The following BRWD1 variants were observed in gnomAD, a reference collection of about 807,000 sequenced individuals.
The protein encoded by BRWD1 is bromodomain and WD repeat-containing protein 1.
Under a neutral mutation model 251.2 loss-of-function variants are expected in BRWD1, and 82 were observed. That is an observed-to-expected ratio of 0.33 (90% CI 0.27 to 0.39). The LOEUF is 0.39. BRWD1 is among the 10% of genes least tolerant of loss of function. The probability of loss-of-function intolerance (pLI) is 1.00; values close to 1 mark genes in which losing one functional copy is unlikely to be tolerated. For missense variants in BRWD1, 2,233 were observed against 2,711.6 expected, an observed-to-expected ratio of 0.82 and a Z score of 3.92; for synonymous variants, 918 against 902.8, an observed-to-expected ratio of 1.02 and a Z score of -0.30.
chr21:39,232,973 C>T (rs555301167), intron 23 of BRWD1, among the ~76,000 whole-genome samples: 39 of 152,148 alleles, frequency 2.6e-4, no homozygotes, highest in Non-Finnish European at 5.0e-4. Flanking sequence ...GTGTGGACTA[C>T]ACTTAATGAC....
intron 23 of BRWD1, among the ~76,000 whole-genome samples, chr21:39,233,598 G>C (rs1178412344): frequency 1.3e-5 from 2 of 152,194 alleles, no homozygotes; most frequent in Non-Finnish European, 2.9e-5. Flanking sequence ...TGTTGAAATT[G>C]ACAGGAGAAA....
intron 15 of BRWD1, among the ~76,000 whole-genome samples, chr21:39,268,402 T>C (rs181646172): frequency 2.0e-4 from 30 of 148,060 alleles, no homozygotes; most frequent in East Asian, 1.4e-3. Context: ...GATTGTGCCA[T>C]TGAACTCCAG....
intron 13 of BRWD1, among the ~76,000 whole-genome samples, chr21:39,274,137 A>G (rs1362992352): frequency 6.6e-6 from 1 of 152,214 alleles, no homozygotes; most frequent in Non-Finnish European, 1.5e-5. Context: ...TTTGAACCAT[A>G]GAAAAAGTAC....
chr21:39,193,521 CA>C lies in BRWD1; in HGVS notation c.*2737del. 1 of 985,264 alleles carries C rather than the reference CA, an allele frequency of 1.0e-6. No homozygotes were observed. Among genetic ancestry groups the C allele is most frequent in the Non-Finnish European group, 1.2e-6 (1 of 829,678 alleles). 61.0% of individuals were successfully genotyped at this position (985,264 alleles called of 1,614,324 possible). On this transcript the variant is annotated 3_prime_UTR_variant, in exon 41 of 41. Coordinates refer to ENST00000342449, the MANE Select transcript of BRWD1 (RefSeq NM_033656.4). ...GGTAAAGTGAGTCTTTCCAAGAAAG[CA>C]AAAATCAAATCTGAGTACTTCAAAG... is the stretch of plus-strand genomic sequence containing the variant.
chr21:39,314,515 G>A, upstream of BRWD1: 2 of 359,088 alleles, frequency 5.6e-6, no homozygotes, highest in South Asian at 4.1e-5. Flanking sequence ...TGTGCAGTTA[G>A]AATCCTCTTG....
chr21:39,279,665 A>G (rs1296160240), intron 9 of BRWD1, among the ~76,000 whole-genome samples: 4 of 128,212 alleles, frequency 3.1e-5, no homozygotes, highest in African/African-American at 1.0e-4. Context: ...AAGAAAAAAA[A>G]AAAGAAAACG....
intron 18 of BRWD1, among the ~76,000 whole-genome samples, 154 bp downstream of exon 18, chr21:39,258,333 C>T (rs910129007): frequency 1.3e-5 from 2 of 152,192 alleles, no homozygotes; most frequent in African/African-American, 4.8e-5. Context: ...CATTATCTCA[C>T]ACCTCATAAA....
chr21:39,264,673 T>C lies in BRWD1; in HGVS notation c.1672A>G (p.Met558Val). The C allele has an allele frequency of 6.2e-7, 1 of 1,604,202 alleles. No homozygotes were observed. Among genetic ancestry groups the C allele is most frequent in the Non-Finnish European group, 8.5e-7 (1 of 1,174,404 alleles). ...SKPYEKIPDQ[M>V]FFHTDYRPLI... is the part of the protein sequence containing the mutation. ...GGTCGATAGTCAGTATGGAAGAACA[T>C]CTGATCAGGAATCTAGAAAAATGAA... Residue 558 changes from methionine to valine, a missense_variant, in exon 17 of 41, where the codon ATG (methionine) becomes GTG (valine). This residue lies in a region of BRWD1 where 315 missense variants were observed against 421.8 expected (regional missense o/e 0.75). Coordinates refer to ENST00000342449, the MANE Select transcript of BRWD1 (RefSeq NM_033656.4).
Position 39,187,848 on chromosome 21 carries a change from A to G in BRWD1, c.*8411T>C. 2.0e-6 allele frequency: 2 copies of G among 985,070 alleles called. No individual in the cohort carries two copies. The highest frequency in any genetic ancestry group is 1.1e-4 in the East Asian group (1 of 8,820). 61.0% of individuals were successfully genotyped at this position (985,070 alleles called of 1,614,324 possible). On this transcript the variant is annotated 3_prime_UTR_variant, in exon 41 of 41. Transcript: ENST00000342449. ...GTTGCTTTAAGGAACCAAAAAGTGC[A>G]GAGTGCTATGAGAACACAGACTGGA...
chr21:39,210,320 A>G (rs889166290), intron 35 of BRWD1, among the ~76,000 whole-genome samples, 173 bp from the exon 36 acceptor site: 1 of 152,204 alleles, frequency 6.6e-6, no homozygotes, highest in African/African-American at 2.4e-5. Context: ...AAAGATAGAA[A>G]TATACCAAAA....
At chr21:39,289,329 A>G (rs1023477071) in intron 8 of BRWD1, among the ~76,000 whole-genome samples, 1 of 152,220 alleles carries the variant, frequency 6.6e-6, no homozygotes, top group African/African-American at 2.4e-5. Context: ...TGAACAATGC[A>G]AAGATCTCAG....
At chr21:39,310,563 G>A (rs1321645450) in intron 4 of BRWD1, among the ~76,000 whole-genome samples, 1 of 151,938 alleles carries the variant, frequency 6.6e-6, no homozygotes, top group African/African-American at 2.4e-5. Flanking sequence ...GGAGGCAGAG[G>A]TTGCAGTGAG....
chr21:39,316,538 A>T (rs1218108524), upstream of BRWD1, among the ~76,000 whole-genome samples: 1 of 152,208 alleles, frequency 6.6e-6, no homozygotes, highest in African/African-American at 2.4e-5. Flanking sequence ...GCGTAAGATT[A>T]AAAACCCCCT....
At chr21:39,305,006 C>A (rs1165486184) in intron 4 of BRWD1, among the ~76,000 whole-genome samples, 3 of 137,738 alleles carry the variant, frequency 2.2e-5, no homozygotes, top group African/African-American at 5.6e-5. Context: ...GTCGCCCAGG[C>A]TGGAGTGCAG....
chr21:39,253,685 A>T (rs894237408), intron 19 of BRWD1, among the ~76,000 whole-genome samples: 2 of 152,244 alleles, frequency 1.3e-5, no homozygotes, highest in Non-Finnish European at 2.9e-5. Flanking sequence ...TATAAGTACT[A>T]TCTAATAACA....
intron 18 of BRWD1, among the ~76,000 whole-genome samples, chr21:39,256,596 TG>T (rs2034569862): frequency 6.6e-6 from 1 of 151,794 alleles, no homozygotes; most frequent in South Asian, 2.1e-4. Flanking sequence ...TCCCATGAGC[TG>T]GAAGCCACAG....
chr21:39,265,120 T>G, intron 15 of BRWD1, 101 bp from the exon 16 acceptor site: 1 of 1,130,252 alleles, frequency 8.8e-7, no homozygotes. Flanking sequence ...ATATCCCTTC[T>G]GAAAAAAAAA....
chr21:39,262,439 A>G (rs991381855), intron 17 of BRWD1, among the ~76,000 whole-genome samples: 8 of 152,216 alleles, frequency 5.3e-5, no homozygotes, highest in African/African-American at 1.9e-4. Context: ...CTTTGTGGCC[A>G]AGCGCGGAGC....
intron 4 of BRWD1, among the ~76,000 whole-genome samples, chr21:39,308,354 T>G (rs2036356442): frequency 6.6e-6 from 1 of 151,988 alleles, no homozygotes; most frequent in Non-Finnish European, 1.5e-5. Flanking sequence ...TAGTGGTACA[T>G]GTCTGTAATC....
Sources: gnomAD v4.1 joint callset for allele counts (sites outside exome capture counted in the v4.1 genomes callset) on GRCh38, gnomAD v4.1.1 for gene constraint, gnomAD v4.1.1 regional missense constraint, MANE v1.5 for transcripts, NCBI Gene and HGNC (gene_info 2026-07-23, HGNC 2026-07-21) for gene names.